Variants in UPP2 observed in about 807,000 individuals in gnomAD.
The protein encoded by UPP2 is UPase 2.
In UPP2, 23 loss-of-function variants were observed where a neutral mutation model predicts 26.7. That is an observed-to-expected ratio of 0.86 (90% CI 0.62 to 1.22). The LOEUF is 1.22. Among genes scored for constraint, UPP2 ranks in the 50% most tolerant of loss-of-function variants. UPP2 has a pLI of 0.00. For missense variants in UPP2, 387 were observed against 396.7 expected, an observed-to-expected ratio of 0.98 and a Z score of 0.21; for synonymous variants, 127 against 141.3, an observed-to-expected ratio of 0.90 and a Z score of 0.72.
intron 3 of UPP2, among the ~76,000 whole-genome samples, chr2:158,061,177 T>C (rs1044057881): frequency 6.6e-6 from 1 of 152,242 alleles, no homozygotes; most frequent in Non-Finnish European, 1.5e-5. Context: ...ATAAAATTAT[T>C]ATCTCTGAAC....
chr2:158,006,350 T>G (rs1381232256), intron 2 of UPP2, among the ~76,000 whole-genome samples: 1 of 151,878 alleles, frequency 6.6e-6, no homozygotes, highest in African/African-American at 2.4e-5. Flanking sequence ...GCGCCTGTAG[T>G]CCCAGCTACT....
At chr2:158,075,364 A>T (rs1230603045) in intron 3 of UPP2, among the ~76,000 whole-genome samples, 1 of 152,050 alleles carries the variant, frequency 6.6e-6, no homozygotes, top group Admixed American at 6.6e-5. Flanking sequence ...GTTTTAAGAG[A>T]ACATTTTAGC....
chr2:158,022,806 C>A (rs528212646), intron 3 of UPP2, among the ~76,000 whole-genome samples: 2 of 152,294 alleles, frequency 1.3e-5, no homozygotes, highest in South Asian at 4.1e-4. Context: ...TCCACTCATT[C>A]TTTCATTCCT....
At chr2:158,027,977 C>A (rs1683861918) in intron 3 of UPP2, among the ~76,000 whole-genome samples, 2 of 152,216 alleles carry the variant, frequency 1.3e-5, no homozygotes, top group Non-Finnish European at 1.5e-5. Context: ...GCACACAGCA[C>A]TGGGATCCTG....
intron 2 of UPP2, among the ~76,000 whole-genome samples, chr2:158,109,268 T>C (rs1206999695): frequency 6.6e-6 from 1 of 152,140 alleles, no homozygotes; most frequent in Non-Finnish European, 1.5e-5. Flanking sequence ...TGTATAAAGC[T>C]GAAACTTCAG....
intron 3 of UPP2, among the ~76,000 whole-genome samples, chr2:158,035,651 A>G (rs1182453217): frequency 6.6e-6 from 1 of 152,190 alleles, no homozygotes; most frequent in Non-Finnish European, 1.5e-5. Flanking sequence ...CTACCTGGGA[A>G]TTGCTTTATG....
chr2:158,095,537 T>G (rs1185906693), intron 3 of UPP2, among the ~76,000 whole-genome samples: 2 of 151,852 alleles, frequency 1.3e-5, no homozygotes, highest in Admixed American at 1.3e-4. Context: ...GTAGAAAGAG[T>G]TTTCATGGTT....
intron 3 of UPP2, among the ~76,000 whole-genome samples, chr2:158,085,616 C>T (rs114490936): frequency 0.023 from 3,458 of 152,186 alleles, 134 homozygotes; most frequent in African/African-American, 0.075. Context: ...TTTCCCCTAT[C>T]GGTATAATGT....
chr2:158,119,153 C>A (rs1306408840), intron 4 of UPP2, among the ~76,000 whole-genome samples: 1 of 152,052 alleles, frequency 6.6e-6, no homozygotes, highest in Non-Finnish European at 1.5e-5. Context: ...TTGTGGGTTA[C>A]AAGGATCTGC....
At chr2:158,007,408 TC>T (rs1235449804) in intron 2 of UPP2, among the ~76,000 whole-genome samples, 1 of 152,182 alleles carries the variant, frequency 6.6e-6, no homozygotes, top group Non-Finnish European at 1.5e-5. Context: ...TCTTTTCAGC[TC>T]TGCATTCAGC....
intron 3 of UPP2, among the ~76,000 whole-genome samples, chr2:158,078,901 G>T (rs1682674875): frequency 6.6e-6 from 1 of 152,074 alleles, no homozygotes; most frequent in Non-Finnish European, 1.5e-5. Flanking sequence ...ATATGGTGTG[G>T]TTCTGCATCT....
At chr2:158,058,075 C>T (rs770833730) in intron 3 of UPP2, among the ~76,000 whole-genome samples, 179 of 151,976 alleles carry the variant, frequency 1.2e-3, no homozygotes, top group Admixed American at 1.0e-3. Flanking sequence ...GGGCGGATCA[C>T]GAGGTCAGGA....
intron 2 of UPP2, among the ~76,000 whole-genome samples, chr2:158,106,494 G>A (rs1182215769): frequency 1.3e-5 from 2 of 152,116 alleles, no homozygotes; most frequent in Non-Finnish European, 2.9e-5. Flanking sequence ...ATACTGCTGG[G>A]TGTTGAGAAT....
At chr2:158,026,088 GCT>G (rs1456067300) in intron 3 of UPP2, among the ~76,000 whole-genome samples, 2 of 152,088 alleles carry the variant, frequency 1.3e-5, no homozygotes, top group Non-Finnish European at 2.9e-5. Flanking sequence ...CTCCCGTCGT[GCT>G]CTTTGTGAGG....
chr2:158,034,645 T>C (rs1297012275), intron 3 of UPP2, among the ~76,000 whole-genome samples: 1 of 152,180 alleles, frequency 6.6e-6, no homozygotes, highest in Non-Finnish European at 1.5e-5. Context: ...CTGAGGATTC[T>C]AGGAAGTCTG....
chr2:158,109,880 T>C (rs1447997767), intron 2 of UPP2, among the ~76,000 whole-genome samples: 1 of 152,180 alleles, frequency 6.6e-6, no homozygotes, highest in South Asian at 2.1e-4. Context: ...AGGATATACA[T>C]TTCCGGGGAA....
intron 3 of UPP2, among the ~76,000 whole-genome samples, chr2:158,072,785 T>C (rs560067652): frequency 6.6e-6 from 1 of 152,220 alleles, no homozygotes; most frequent in East Asian, 1.9e-4. Context: ...ACTCAATGAG[T>C]CTATAAGAAC....
chr2:158,037,318 T>C (rs1684018788), intron 3 of UPP2, among the ~76,000 whole-genome samples: 1 of 151,990 alleles, frequency 6.6e-6, no homozygotes, highest in African/African-American at 2.4e-5. Flanking sequence ...GAGGTTGCAG[T>C]GAGCCGAGAT....
At chr2:158,093,933 G>A (rs1000468473) in intron 3 of UPP2, among the ~76,000 whole-genome samples, 2 of 150,532 alleles carry the variant, frequency 1.3e-5, no homozygotes, top group Non-Finnish European at 3.0e-5. Flanking sequence ...ACATAAAAAA[G>A]CCAGTTTTAA....
Sources: allele counts gnomAD v4.1 joint callset (sites outside exome capture counted in the v4.1 genomes callset), GRCh38; gene constraint gnomAD v4.1.1; transcripts MANE v1.5; gene names NCBI Gene and HGNC (gene_info 2026-07-23, HGNC 2026-07-21).